Variants in RAP1GAP observed in about 807,000 individuals in gnomAD.
RAP1GAP encodes the protein rap1 GTPase-activating protein 1.
In RAP1GAP, 35 loss-of-function variants were observed where a neutral mutation model predicts 87.2. That is an observed-to-expected ratio of 0.40 (90% CI 0.31 to 0.53). The LOEUF (loss-of-function observed/expected upper bound fraction) is 0.53. Ranked by LOEUF, RAP1GAP falls within the 20% of genes least tolerant of loss-of-function variation. The probability of loss-of-function intolerance (pLI) is 0.48; values close to 1 mark genes in which losing one functional copy is unlikely to be tolerated. For synonymous variants in RAP1GAP, 375 were observed against 363.9 expected (o/e 1.03, Z -0.35); for missense variants, 734 against 898.9 (o/e 0.82, Z 2.35).
In RAP1GAP at chr1:21,609,431, C is replaced by T. The variant is rs901396895; in HGVS notation, c.1071+144G>A. 1.2e-5 allele frequency: 6 copies of T among 495,248 alleles called. No individual in the cohort carries two copies. Among genetic ancestry groups the T allele is most frequent in the Non-Finnish European group, 2.2e-5 (6 of 276,054 alleles). 30.7% of individuals were successfully genotyped at this position (495,248 alleles called of 1,614,324 possible). ...GGTGTTTTCAAGATGAATGGAAAAG[C>T]CAGGCCCCGGTTGCAGTTAGGGGAG... is the stretch of plus-strand genomic sequence containing the variant. On this transcript the variant is annotated intron_variant, in intron 15 of 24. Coordinates refer to ENST00000374765, the MANE Select transcript of RAP1GAP (RefSeq NM_002885.4). The surrounding 1 kb of genome is among the most constrained non-coding windows in gnomAD (Gnocchi z 4.4).
At chr1:21,624,698 C>A (rs570762861) in intron 3 of RAP1GAP, among the ~76,000 whole-genome samples, 1 of 152,308 alleles carries the variant, frequency 6.6e-6, no homozygotes, top group South Asian at 2.1e-4. Context: ...AGGTTCAGAG[C>A]CCGCTGTCTG....
At chr1:21,659,389 T>C (rs1186499475) in intron 1 of RAP1GAP, among the ~76,000 whole-genome samples, 2 of 152,134 alleles carry the variant, frequency 1.3e-5, no homozygotes, top group Non-Finnish European at 1.5e-5. Context: ...GCGCCCCCAG[T>C]CACCGGCCGC....
At chr1:21,645,914 CCCA>C (rs1487503798) in intron 2 of RAP1GAP, among the ~76,000 whole-genome samples, 1 of 152,172 alleles carries the variant, frequency 6.6e-6, no homozygotes, top group Admixed American at 6.5e-5. Context: ...CCCACCCCAG[CCCA>C]CCACTCAGCA....
chr1:21,633,989 C>T (rs2094267376), intron 2 of RAP1GAP, among the ~76,000 whole-genome samples: 1 of 151,392 alleles, frequency 6.6e-6, no homozygotes, highest in Non-Finnish European at 1.5e-5. Context: ...TAGCCCTGGG[C>T]ATCGGGTCTG....
At position 21,609,283 on chromosome 1, in the gene RAP1GAP, T is replaced by C. The variant is rs1409302129; in HGVS notation, c.1071+292A>G. Among the ~76,000 whole-genome samples the C allele has an allele frequency of 6.6e-6, 1 of 151,144 alleles. No individual in the cohort carries two copies. The highest frequency in any genetic ancestry group is 1.5e-5 in the Non-Finnish European group (1 of 67,892). Reference sequence around the variant, plus strand: ...GAAGTGTGCCCCTCCCCAAACATTTTAGAAGAAAGAAAGAGACTGGAACTG... The same window carrying C: ...GAAGTGTGCCCCTCCCCAAACATTTCAGAAGAAAGAAAGAGACTGGAACTG... On this transcript the variant is annotated intron_variant, in intron 15 of 24. Coordinates refer to ENST00000374765, the MANE Select transcript of RAP1GAP (RefSeq NM_002885.4). This position sits in a 1 kb window ranked among gnomAD's most constrained non-coding sequence, Gnocchi z 4.4.
At chr1:21,650,839 C>T (rs78356267) in intron 1 of RAP1GAP, among the ~76,000 whole-genome samples, 6,987 of 152,266 alleles carry the variant, frequency 0.046, 198 homozygotes, top group African/African-American at 0.061. Flanking sequence ...CCACCCCACC[C>T]TCTGCTGGGG....
rs1400532042 is a variant in RAP1GAP at position 21,617,429 on chromosome 1, A to G, written c.168T>C (p.Ile56=). 6.2e-7 allele frequency: 1 copy of G among 1,605,940 alleles called. No individual in the cohort carries two copies. Among genetic ancestry groups the G allele is most frequent in the African/African-American group, 1.3e-5 (1 of 74,942 alleles). ...TGGTGATTTCGTGGTTGGTGCCCTCAATCCAGTAGCCCCCAAACTGGGGCA... is the reference window on the plus strand; with the variant it reads ...TGGTGATTTCGTGGTTGGTGCCCTCGATCCAGTAGCCCCCAAACTGGGGCA... ...ILLPQFGGYW[I]EGTNHEITSI... is the part of the protein sequence containing the mutation. The change falls in exon 7 of 25, where the codon ATT becomes ATC. Residue 56 remains isoleucine, a synonymous_variant. Transcript: ENST00000374765.
intron 2 of RAP1GAP, 110 bp downstream of exon 2, chr1:21,649,651 G>T: frequency 7.7e-7 from 1 of 1,299,664 alleles, no homozygotes; most frequent in Non-Finnish European, 1.1e-6. Context: ...GAGGATGGTT[G>T]GAAGCTTGGT....
In RAP1GAP at chr1:21,603,539, C is replaced by G. The variant is rs1166200339; in HGVS notation, c.1429-626G>C. The G allele has an allele frequency of 1.7e-6, 1 of 605,376 alleles. No individual in the cohort carries two copies. Among genetic ancestry groups the G allele is most frequent in the East Asian group, 2.8e-5 (1 of 36,216 alleles). The allele number at this position is 605,376 out of a possible 1,614,324, so 37.5% of individuals were successfully genotyped here. ...CATGCAGACCGGCGATATTGGGGGA[C>G]GTGCGGCTGGGTGTAGGGCCTTTGG... On this transcript the variant is annotated intron_variant, in intron 18 of 24. Coordinates refer to ENST00000374765, the MANE Select transcript of RAP1GAP (RefSeq NM_002885.4). This position sits in a 1 kb window ranked among gnomAD's most constrained non-coding sequence, Gnocchi z 6.0.
rs753522487 is a variant in RAP1GAP, at chr1:21,613,747, G to A, written c.396-41C>T. 3.3e-5 allele frequency: 51 copies of A among 1,564,668 alleles called. No individual in the cohort carries two copies. Among genetic ancestry groups the A allele is most frequent in the Admixed American group, 5.0e-5 (3 of 59,936 alleles). Reference sequence around the variant, plus strand: ...CACACGATGAAGGCCTGGGCAGCAGGACAGGAAAATGGGAACCCCACCCCC... The same window carrying A: ...CACACGATGAAGGCCTGGGCAGCAGAACAGGAAAATGGGAACCCCACCCCC... On this transcript the variant is annotated intron_variant, in intron 8 of 24. Transcript: ENST00000374765. The surrounding 1 kb of genome is among the most constrained non-coding windows in gnomAD (Gnocchi z 4.7).
chr1:21,608,541 T>C (rs1176521712), intron 16 of RAP1GAP, among the ~76,000 whole-genome samples, 191 bp from the exon 17 acceptor site: 7 of 148,198 alleles, frequency 4.7e-5, no homozygotes, highest in Non-Finnish European at 1.0e-4. Flanking sequence ...GGGACCCTCA[T>C]ATGAAGGGCC....
intron 2 of RAP1GAP, among the ~76,000 whole-genome samples, chr1:21,648,167 C>G (rs1269324870): frequency 2.0e-5 from 3 of 152,114 alleles, no homozygotes; most frequent in African/African-American, 7.2e-5. Context: ...TGGGGAATGG[C>G]CGATCTTTAC....
chr1:21,645,267 C>T (rs1439131877), intron 2 of RAP1GAP, among the ~76,000 whole-genome samples: 1 of 152,158 alleles, frequency 6.6e-6, no homozygotes, highest in African/African-American at 2.4e-5. Context: ...CACCTCTGCC[C>T]ATTCTGGTCC....
intron 2 of RAP1GAP, among the ~76,000 whole-genome samples, chr1:21,647,216 AATGGGAGGCCGAG>A (rs1352063842): frequency 2.6e-5 from 4 of 152,160 alleles, no homozygotes; most frequent in Non-Finnish European, 2.9e-5. Context: ...AATGTGACTC[AATGGGAGGCCGAG>A]ATGGGAGGAT....
Position 21,618,937 on chromosome 1 carries a change from G to A in RAP1GAP, c.66+88C>T. The A allele has an allele frequency of 2.1e-6, 3 of 1,404,184 alleles. No homozygotes were observed. The Admixed American group carries it at 6.0e-5, about 28-fold the overall frequency. The allele number at this position is 1,404,184 out of a possible 1,614,324, so 87.0% of individuals were successfully genotyped here. A position where few individuals can be genotyped will look rare whatever the true frequency, so the allele number is the denominator to read the frequency against. On this transcript the variant is annotated intron_variant, in intron 5 of 24. Coordinates refer to ENST00000374765, the MANE Select transcript of RAP1GAP (RefSeq NM_002885.4). ...TAAGACTACTTGCTGAAAGGGGATG[G>A]ATTTCCTGCTTGATGGGCAGTGGTG...
intron 1 of RAP1GAP, among the ~76,000 whole-genome samples, chr1:21,650,891 G>C (rs983245732): frequency 2.0e-5 from 3 of 152,204 alleles, no homozygotes; most frequent in African/African-American, 7.2e-5. Flanking sequence ...AGGCAGCTTG[G>C]ACACAATCCC....
At chr1:21,649,835 C>T in intron 1 of RAP1GAP, 39 bp from the exon 2 acceptor site, 1 of 1,544,388 alleles carries the variant, frequency 6.5e-7, no homozygotes, top group South Asian at 1.2e-5. Context: ...GAGGGGACAT[C>T]CCTTCTCACC....
At chr1:21,651,150 C>T (rs2096533341) in intron 1 of RAP1GAP, among the ~76,000 whole-genome samples, 1 of 152,230 alleles carries the variant, frequency 6.6e-6, no homozygotes, top group African/African-American at 2.4e-5. Context: ...GATGAACCTG[C>T]TGCCACTCTG....
intron 7 of RAP1GAP, 24 bp from the exon 8 acceptor site, chr1:21,614,113 G>C (rs2080314127): frequency 1.3e-6 from 2 of 1,507,300 alleles, no homozygotes; most frequent in African/African-American, 1.4e-5. Flanking sequence ...TGGGGGCCAG[G>C]GGAGTGGGTG....
Sources: gnomAD v4.1 joint callset for allele counts (sites outside exome capture counted in the v4.1 genomes callset) on GRCh38, gnomAD v4.1.1 for gene constraint, Gnocchi (gnomAD v3.1) non-coding constraint, MANE v1.5 for transcripts, NCBI Gene and HGNC (gene_info 2026-07-23, HGNC 2026-07-21) for gene names.